Variants in SNED1 observed in about 807,000 individuals in gnomAD.
SNED1 encodes sushi, nidogen and EGF like domains 1, also known as sushi, nidogen and EGF-like domain-containing protein 1.
Under a neutral mutation model 166.7 loss-of-function variants are expected in SNED1, and 81 were observed. The ratio of observed to expected loss-of-function variants is 0.49; its 90% CI spans 0.41 to 0.58. SNED1 has a LOEUF of 0.58. Among genes scored for constraint, SNED1 ranks in the 20% least tolerant of loss-of-function variants. The pLI is 0.00. For missense variants in SNED1, 1,604 were observed against 2,000.2 expected, an observed-to-expected ratio of 0.80 and a Z score of 3.78; for synonymous variants, 762 against 822.0, an observed-to-expected ratio of 0.93 and a Z score of 1.25.
At chr2:241,044,637 G>A (rs1243701724) in intron 8 of SNED1, among the ~76,000 whole-genome samples, 2 of 152,230 alleles carry the variant, frequency 1.3e-5, no homozygotes, top group Non-Finnish European at 2.9e-5. Flanking sequence ...GAGTGCTCCA[G>A]GAGAAGCCCT....
chr2:241,027,013 G>C (rs2060989490), intron 1 of SNED1, among the ~76,000 whole-genome samples: 2 of 151,998 alleles, frequency 1.3e-5, no homozygotes, highest in South Asian at 4.1e-4. Flanking sequence ...TTGTCTTTCT[G>C]ACTGGCTTAT....
intron 8 of SNED1, among the ~76,000 whole-genome samples, chr2:241,042,401 T>C (rs573282896): frequency 1.3e-5 from 2 of 152,282 alleles, no homozygotes; most frequent in South Asian, 4.1e-4. Context: ...AAACTGATCC[T>C]AAGTCATTGA....
intron 1 of SNED1, among the ~76,000 whole-genome samples, chr2:241,017,931 G>A (rs149807995): frequency 6.6e-6 from 1 of 152,294 alleles, no homozygotes. Flanking sequence ...CAATGAATGA[G>A]CCAAAAAAGC....
chr2:241,049,155 G>A lies in SNED1; in HGVS notation c.1618+20G>A, dbSNP rs745770759. 27 of 1,592,230 alleles carry A rather than the reference G, an allele frequency of 1.7e-5. No individual in the cohort carries two copies. The highest frequency in any genetic ancestry group is 2.3e-5 in the South Asian group (2 of 88,842). On this transcript the variant is annotated intron_variant, in intron 11 of 31. Transcript: ENST00000310397. ...GCCACTGTGAGTAGCTCGGGGACGAGCCTGCTGGGCCGGGGGCCCGGACAG... is the reference window on the plus strand; with the variant it reads ...GCCACTGTGAGTAGCTCGGGGACGAACCTGCTGGGCCGGGGGCCCGGACAG...
chr2:241,082,417 C>T (rs2063373272), intron 29 of SNED1, 53 bp downstream of exon 29: 1 of 1,392,536 alleles, frequency 7.2e-7, no homozygotes, highest in Non-Finnish European at 1.0e-6. Context: ...GTTCTTGACT[C>T]CTCAAAGTGC....
rs1263924090 is a variant in SNED1 at position 241,051,755 on chromosome 2, C to T, written c.1747C>T (p.Leu583=). The change falls in exon 13 of 32, where the codon CTG becomes TTG. Residue 583 remains leucine, a synonymous_variant. Transcript: ENST00000310397. This position sits in a 1 kb window ranked among gnomAD's most constrained non-coding sequence, Gnocchi z 4.7. ...GTCCTTCCACACAGCCCGGCCACAC[C>T]TGTGCAGCTCAGGGCCCTGCCGGAA... The part of the protein sequence containing the change: ...GKHCEKARPH[L]CSSGPCRNGG... 6.6e-7 allele frequency: 1 copy of T among 1,521,668 alleles called. No individual in the cohort carries two copies. Among genetic ancestry groups the T allele is most frequent in the African/African-American group, 1.4e-5 (1 of 72,494 alleles). 94.3% of individuals were successfully genotyped at this position (1,521,668 alleles called of 1,614,324 possible).
At chr2:241,034,822 T>C in intron 4 of SNED1, 92 bp downstream of exon 4, 2 of 1,366,140 alleles carry the variant, frequency 1.5e-6, no homozygotes, top group Non-Finnish European at 9.8e-7. Flanking sequence ...GGCTGGATGC[T>C]GACGGGGAGA....
At chr2:241,034,236 G>A (rs1246034505) in intron 3 of SNED1, among the ~76,000 whole-genome samples, 1 of 152,236 alleles carries the variant, frequency 6.6e-6, no homozygotes, top group East Asian at 1.9e-4. Context: ...GAATGAAACA[G>A]GACAATGGCC....
chr2:241,059,915 C>T (rs546612141), intron 16 of SNED1, among the ~76,000 whole-genome samples: 11 of 151,766 alleles, frequency 7.2e-5, no homozygotes, highest in African/African-American at 2.7e-4. Flanking sequence ...TGCCAGATGA[C>T]AAGAAAAGGA....
intron 1 of SNED1, among the ~76,000 whole-genome samples, chr2:241,011,995 C>T (rs948706451): frequency 2.0e-5 from 3 of 152,194 alleles, no homozygotes; most frequent in Non-Finnish European, 2.9e-5. Flanking sequence ...AAAGCTGGAG[C>T]GGGGCAGGCG....
rs751959542 is a variant in SNED1 at position 241,013,911 on chromosome 2, T to C, written c.213+14861T>C. The stretch of plus-strand genomic sequence containing the variant: ...TCTATGAGATACTGGTTTCATTTCA[T>C]TGGGTATATACTCAGAAGTGGGATT... On this transcript the variant is annotated intron_variant, in intron 1 of 31. Coordinates refer to ENST00000310397, the MANE Select transcript of SNED1 (RefSeq NM_001080437.3). The surrounding 1 kb of genome is among the most constrained non-coding windows in gnomAD (Gnocchi z 4.6). 2.0e-5 allele frequency among the ~76,000 whole-genome samples: 3 copies of C among 152,218 alleles called. No homozygotes were observed. The highest frequency in any genetic ancestry group is 4.1e-4 in the South Asian group (2 of 4,826).
intron 8 of SNED1, among the ~76,000 whole-genome samples, chr2:241,047,146 CAAAAAAAAA>C (rs59981303): frequency 4.4e-5 from 3 of 68,178 alleles, no homozygotes; most frequent in South Asian, 4.7e-4. Flanking sequence ...GAGACTCTGT[CAAAAAAAAA>C]AAAAAAAAAA....
At chr2:241,021,577 T>A (rs2124914799) in intron 1 of SNED1, among the ~76,000 whole-genome samples, 1 of 152,358 alleles carries the variant, frequency 6.6e-6, no homozygotes, top group East Asian at 1.9e-4. Context: ...TAACATAGTG[T>A]TTTCAAAGTT....
chr2:241,086,821 T>C (rs1458106528), intron 29 of SNED1, among the ~76,000 whole-genome samples: 3 of 152,268 alleles, frequency 2.0e-5, no homozygotes, highest in African/African-American at 7.2e-5. Context: ...CATCCATTAT[T>C]ATCTACAAAC....
chr2:241,087,954 C>T (rs1358910242), intron 30 of SNED1: 15 of 397,712 alleles, frequency 3.8e-5, no homozygotes, highest in Non-Finnish European at 1.8e-5. Flanking sequence ...AGCCTGTCAT[C>T]GTCCTCATAG....
At position 241,070,040 on chromosome 2, in the gene SNED1, G is replaced by A. The variant is rs532626731; in HGVS notation, c.3428G>A (p.Ser1143Asn). Residue 1143 changes from serine (S) to asparagine (N), a missense_variant, in exon 24 of 32, where the codon AGC (serine) becomes AAC (asparagine). Around this residue, in one of 2 missense-constraint regions of SNED1, gnomAD observed 367 missense variants for 379.4 expected, o/e 0.97. Coordinates refer to ENST00000310397, the MANE Select transcript of SNED1 (RefSeq NM_001080437.3). ...LEAYVINVTTSQSTKSRYVPN... is the reference protein window; with the variant it reads ...LEAYVINVTTNQSTKSRYVPN... ...GCTTATGTCATCAATGTGACCACCA[G>A]CCAGAGCACCAAGAGCCGCTATGTC... The A allele has an allele frequency of 6.8e-6, 11 of 1,613,058 alleles. No homozygotes were observed. In the South Asian group the frequency reaches 9.9e-5, roughly 14 times the overall value.
Position 241,094,161 on chromosome 2 carries a change from T to TC in SNED1, c.*2528dup, listed in dbSNP as rs2064231918. On this transcript the variant is annotated 3_prime_UTR_variant, in exon 32 of 32. Coordinates refer to ENST00000310397, the MANE Select transcript of SNED1 (RefSeq NM_001080437.3). The surrounding 1 kb of genome is among the most constrained non-coding windows in gnomAD (Gnocchi z 4.3). ...CAAGCAAGGCAATAAAGACAAACTC[T>TC]CCCTTTTCCCCATTGCGTGTGGGCT... 2.7e-6 allele frequency: 1 copy of TC among 371,926 alleles called. No homozygotes were observed. Among genetic ancestry groups the TC allele is most frequent in the East Asian group, 7.6e-5 (1 of 13,072 alleles). 23.0% of individuals were successfully genotyped at this position (371,926 alleles called of 1,614,324 possible).
chr2:241,073,775 C>T lies in SNED1; in HGVS notation c.3916+411C>T, dbSNP rs917986251. 15 of 329,836 alleles carry T rather than the reference C, an allele frequency of 4.5e-5. No individual in the cohort carries two copies. The highest frequency in any genetic ancestry group is 1.5e-4 in the East Asian group (3 of 20,104). 20.4% of individuals were successfully genotyped at this position (329,836 alleles called of 1,614,324 possible). ...AGAAGCAGAGGGAGCAGCCACTGGG[C>T]GAGCCCCAGCTTGAGGACTAGCTGG... On this transcript the variant is annotated intron_variant, in intron 27 of 31. Transcript: ENST00000310397. The surrounding 1 kb of genome is among the most constrained non-coding windows in gnomAD (Gnocchi z 6.6).
In SNED1 at chr2:241,095,391, G is replaced by C. The variant is rs1190603791; in HGVS notation, c.*3755G>C. 2 of 152,838 alleles carry C rather than the reference G, an allele frequency of 1.3e-5. No individual in the cohort carries two copies. Among genetic ancestry groups the C allele is most frequent in the South Asian group, 2.1e-4 (1 of 4,838 alleles). 9.5% of individuals were successfully genotyped at this position (152,838 alleles called of 1,614,324 possible). On this transcript the variant is annotated 3_prime_UTR_variant, in exon 32 of 32. Coordinates refer to ENST00000310397, the MANE Select transcript of SNED1 (RefSeq NM_001080437.3). The stretch of plus-strand genomic sequence containing the variant: ...AGATAAAGAAAACTGCCAGCATTTT[G>C]CTGGCCTTAAGAAGCCATGCAAAAT...
Sources: allele counts gnomAD v4.1 joint callset (sites outside exome capture counted in the v4.1 genomes callset), GRCh38; gene constraint gnomAD v4.1.1; regional missense constraint gnomAD v4.1.1; non-coding constraint Gnocchi (gnomAD v3.1); transcripts MANE v1.5; gene names NCBI Gene and HGNC (gene_info 2026-07-23, HGNC 2026-07-21).